Variants in LNX1 observed in about 807,000 individuals in gnomAD.
LNX1 encodes E3 ubiquitin-protein ligase LNX.
In LNX1, 54 loss-of-function variants were observed where a neutral mutation model predicts 68.4. The ratio of observed to expected loss-of-function variants is 0.79; its 90% confidence interval spans 0.63 to 0.99. LNX1 has a LOEUF of 0.99. LNX1 is among the 50% of genes least tolerant of loss of function. The pLI, the probability that LNX1 is intolerant of heterozygous loss-of-function variation, is 0.00. For missense variants in LNX1, 906 were observed against 926.4 expected (o/e 0.98, Z 0.29); for synonymous variants, 336 against 350.0 (o/e 0.96, Z 0.45).
upstream of LNX1, among the ~76,000 whole-genome samples, chr4:53,618,898 T>C (rs1733772094): frequency 6.6e-6 from 1 of 152,172 alleles, no homozygotes; most frequent in Non-Finnish European, 1.5e-5. Flanking sequence ...CAGCTCCTTT[T>C]GTTTTTTTTA....
At chr4:53,560,036 G>A (rs1343475101) in intron 2 of LNX1, among the ~76,000 whole-genome samples, 1 of 152,124 alleles carries the variant, frequency 6.6e-6, no homozygotes, top group Non-Finnish European at 1.5e-5. Context: ...AAGAGGTTTT[G>A]TTATTCTTTT....
chr4:53,472,230 T>C (rs1186756087), intron 9 of LNX1, among the ~76,000 whole-genome samples: 5 of 151,914 alleles, frequency 3.3e-5, no homozygotes, highest in Non-Finnish European at 2.9e-5. Flanking sequence ...AGCAAACTAT[T>C]GCAAGGACAA....
chr4:53,467,920 A>G lies in LNX1; in HGVS notation c.1893-6327T>C, dbSNP rs551690186. ...GAACCAAGTTGGAAAACACTCTGCAAGATAATATCCAGGAGAACTTCCCCA... is the reference window on the plus strand; with the variant it reads ...GAACCAAGTTGGAAAACACTCTGCAGGATAATATCCAGGAGAACTTCCCCA... On this transcript the variant is annotated intron_variant, in intron 9 of 10. Transcript: ENST00000263925. 3.3e-4 allele frequency among the ~76,000 whole-genome samples: 50 copies of G among 152,342 alleles called. 1 individual carries two copies. The East Asian group carries it at 9.1e-3, about 28-fold the overall frequency.
chr4:53,616,908 A>C (rs1733701274), intron 1 of LNX1, among the ~76,000 whole-genome samples: 1 of 152,200 alleles, frequency 6.6e-6, no homozygotes, highest in Admixed American at 6.6e-5. Flanking sequence ...TTAAACTAAG[A>C]AGTATTAAGC....
chr4:53,550,028 G>C (rs935667269), intron 2 of LNX1, among the ~76,000 whole-genome samples: 1 of 152,148 alleles, frequency 6.6e-6, no homozygotes, highest in East Asian at 1.9e-4. Flanking sequence ...TGGAACTGGA[G>C]TGGCTTTACT....
rs549888456 is a variant in LNX1 at position 53,475,062 on chromosome 4, C to T, written c.1892+1691G>A. Among the ~76,000 whole-genome samples the T allele has an allele frequency of 7.8e-5, 4 of 51,192 alleles. No homozygotes were observed. The East Asian group carries it at 1.5e-3, about 20-fold the overall frequency. 33.6% of individuals were successfully genotyped at this position (51,192 alleles called of 152,430 possible). A position where few individuals can be genotyped will look rare whatever the true frequency, so the allele number is the denominator to read the frequency against. On this transcript the variant is annotated intron_variant, in intron 9 of 10. Transcript: ENST00000263925. ...GGATTACAGGCATGAGCCACCACAC[C>T]CAGCCCAGACTACTTCCAGCAAAAG...
chr4:53,560,626 C>T (rs1420906700), intron 2 of LNX1, among the ~76,000 whole-genome samples: 1 of 152,096 alleles, frequency 6.6e-6, no homozygotes. Flanking sequence ...TGTATTTTTC[C>T]CTGCCTGCCT....
chr4:53,618,345 C>T (rs1389344502), upstream of LNX1, among the ~76,000 whole-genome samples: 1 of 152,156 alleles, frequency 6.6e-6, no homozygotes, highest in East Asian at 1.9e-4. Context: ...TTTCAGATGA[C>T]TTGCTGTGTA....
At chr4:53,537,707 C>A (rs2109644941) in intron 2 of LNX1, among the ~76,000 whole-genome samples, 1 of 152,308 alleles carries the variant, frequency 6.6e-6, no homozygotes, top group African/African-American at 2.4e-5. Flanking sequence ...GTACCATTTC[C>A]CCATCTGTCA....
At chr4:53,604,147 A>C (rs1733132716) in intron 2 of LNX1, 1 of 152,152 alleles carries the variant, frequency 6.6e-6, no homozygotes, top group Non-Finnish European at 1.5e-5. Context: ...ATTGATGACA[A>C]TTTGAAGTTG....
chr4:53,482,726 G>T (rs1176497540), intron 6 of LNX1, among the ~76,000 whole-genome samples: 1 of 152,140 alleles, frequency 6.6e-6, no homozygotes, highest in Non-Finnish European at 1.5e-5. Flanking sequence ...TGGGGTGAGG[G>T]ATGAAAAACT....
intron 2 of LNX1, among the ~76,000 whole-genome samples, chr4:53,553,108 G>A (rs1165817208): frequency 6.6e-6 from 1 of 152,180 alleles, no homozygotes; most frequent in Non-Finnish European, 1.5e-5. Flanking sequence ...CCTGACCTGT[G>A]CAGAAGCTGG....
At chr4:53,570,664 T>TAATAAATAAATA (rs200529974) in intron 2 of LNX1, among the ~76,000 whole-genome samples, 2,861 of 143,684 alleles carry the variant, frequency 0.02, 31 homozygotes, top group Non-Finnish European at 0.023. Flanking sequence ...TAAAGTATAA[T>TAATAAATAAATA]AATAAATAAA....
chr4:53,478,151 G>A (rs1723682516), intron 8 of LNX1, among the ~76,000 whole-genome samples: 1 of 152,032 alleles, frequency 6.6e-6, no homozygotes, highest in Non-Finnish European at 1.5e-5. Flanking sequence ...AGTATTCATT[G>A]AATCAAATCT....
chr4:53,599,948 A>C (rs1172979534), intron 2 of LNX1, among the ~76,000 whole-genome samples: 1 of 152,236 alleles, frequency 6.6e-6, no homozygotes, highest in Non-Finnish European at 1.5e-5. Flanking sequence ...CTTGAAAAAG[A>C]TCTGTGCTCA....
chr4:53,631,478 G>C (rs114290771), intron 1 of LNX1, among the ~76,000 whole-genome samples: 1,757 of 152,134 alleles, frequency 0.012, 27 homozygotes, highest in African/African-American at 0.037. Flanking sequence ...ATCCATAGAG[G>C]CCTCTTTTCC....
chr4:53,603,800 A>T (rs1293908423), intron 2 of LNX1: 1 of 152,204 alleles, frequency 6.6e-6, no homozygotes, highest in African/African-American at 2.4e-5. Context: ...GACACTGGAG[A>T]TTACATTTCA....
chr4:53,576,314 G>A (rs1158124856), intron 1 of LNX1: 8 of 1,612,482 alleles, frequency 5.0e-6, no homozygotes, highest in East Asian at 4.5e-5. Context: ...CAGGAGCTGC[G>A]GTACAGCGTG....
At chr4:53,464,827 CTT>C (rs1181643959) in intron 9 of LNX1, among the ~76,000 whole-genome samples, 1 of 152,058 alleles carries the variant, frequency 6.6e-6, no homozygotes, top group Non-Finnish European at 1.5e-5. Context: ...CAAAATTTGT[CTT>C]TATTCCTCAA....
Sources: gnomAD v4.1 joint callset for allele counts (sites outside exome capture counted in the v4.1 genomes callset) on GRCh38, gnomAD v4.1.1 for gene constraint, MANE v1.5 for transcripts, NCBI Gene and HGNC (gene_info 2026-07-23, HGNC 2026-07-21) for gene names.